Variants in BIN1 observed in about 807,000 individuals in gnomAD.
The protein encoded by BIN1 is myc box-dependent-interacting protein 1.
A neutral mutation model predicts 82.0 loss-of-function variants in BIN1; 53 were observed. That is an observed-to-expected ratio of 0.65 (90% confidence interval 0.52 to 0.81). The LOEUF (loss-of-function observed/expected upper bound fraction) is 0.81, where lower values mean the gene tolerates loss of function less well. Among genes scored for constraint, BIN1 ranks in the 40% least tolerant of loss-of-function variants. The pLI, the probability that BIN1 is intolerant of heterozygous loss-of-function variation, is 0.00. For missense variants in BIN1, 642 were observed against 784.4 expected (o/e 0.82, Z 2.17); for synonymous variants, 302 against 328.0 (o/e 0.92, Z 0.86).
In BIN1 at chr2:127,063,975, A is replaced by G; in HGVS notation, c.656T>C (p.Met219Thr). ...CAGCTCCTCCTGCAGATCCACATTC[A>G]TCTCCTCAAACACCTTCTGGGCTTT... ...LIKAQKVFEE[M>T]NVDLQEELPS... The change falls in exon 8 of 19, where the codon ATG (methionine) becomes ACG (threonine). Residue 219 changes from methionine (M) to threonine (T), a missense_variant. Met to Thr is a moderately conservative substitution (Grantham distance 81, BLOSUM62 -1). Transcript: ENST00000316724. 3 of 1,613,856 alleles carry G rather than the reference A, an allele frequency of 1.9e-6. No individual in the cohort carries two copies. The highest frequency in any genetic ancestry group is 2.5e-6 in the Non-Finnish European group (3 of 1,179,996).
intron 7 of BIN1, 80 bp from the exon 8 acceptor site, chr2:127,064,098 C>T (rs1347379604): frequency 1.3e-6 from 2 of 1,529,216 alleles, no homozygotes; most frequent in African/African-American, 1.4e-5. Flanking sequence ...CCACCTCCTG[C>T]CCACCCCTCT....
intron 18 of BIN1, 40 bp from the exon 19 acceptor site, chr2:127,048,673 G>A (rs779253941): frequency 9.4e-6 from 15 of 1,588,956 alleles, no homozygotes; most frequent in Non-Finnish European, 1.3e-5. Context: ...GATGAGCAAG[G>A]GGCTCCACCC....
At chr2:127,070,951 A>C in intron 2 of BIN1, 135 bp from the exon 3 acceptor site, 8 of 830,712 alleles carry the variant, frequency 9.6e-6, no homozygotes, top group South Asian at 1.6e-5. Flanking sequence ...TGACCTCCCA[A>C]CAGGACAGCA....
intron 5 of BIN1, among the ~76,000 whole-genome samples, chr2:127,069,420 G>A (rs1468400471): frequency 6.6e-6 from 1 of 152,138 alleles, no homozygotes; most frequent in African/African-American, 2.4e-5. Flanking sequence ...CCCACCAAGG[G>A]GATCTCGTCC....
chr2:127,048,846 G>A (rs1682510045), intron 18 of BIN1, among the ~76,000 whole-genome samples: 1 of 152,258 alleles, frequency 6.6e-6, no homozygotes, highest in Non-Finnish European at 1.5e-5. Flanking sequence ...GAGCCAGCCT[G>A]TCGTCCGCAG....
intron 1 of BIN1, among the ~76,000 whole-genome samples, chr2:127,079,833 C>G (rs1687069282): frequency 1.3e-5 from 2 of 152,202 alleles, no homozygotes; most frequent in Non-Finnish European, 2.9e-5. Context: ...TGACCCTAAA[C>G]AAAACAACCC....
chr2:127,051,032 G>T, intron 16 of BIN1, 120 bp from the exon 17 acceptor site: 1 of 1,503,830 alleles, frequency 6.6e-7, no homozygotes, highest in Non-Finnish European at 9.2e-7. Context: ...AGACCGGCCC[G>T]CCTCCAGCTT....
intron 15 of BIN1, 101 bp from the exon 16 acceptor site, chr2:127,051,344 G>A (rs1682924086): frequency 1.7e-6 from 2 of 1,206,876 alleles, no homozygotes; most frequent in African/African-American, 1.5e-5. Flanking sequence ...ACAGGGCCGG[G>A]GGCATCGCCT....
Position 127,107,005 on chromosome 2 carries a change from C to CGCTCCCA in BIN1, c.-69_-63dup, listed in dbSNP as rs1244535184. 2 of 1,520,750 alleles carry CGCTCCCA rather than the reference C, an allele frequency of 1.3e-6. No individual in the cohort carries two copies. The highest frequency in any genetic ancestry group is 1.9e-5 in the Admixed American group (1 of 51,456). The allele number at this position is 1,520,750 out of a possible 1,614,324, so 94.2% of individuals were successfully genotyped here. A position where few individuals can be genotyped will look rare whatever the true frequency, so the allele number is the denominator to read the frequency against. The stretch of plus-strand genomic sequence containing the variant: ...TCGCGCGGGGAGATCTTGCGCGCCG[C>CGCTCCCA]GCTCCCAGCCCCCAGCCCCGGCCGC... On this transcript the variant is annotated 5_prime_UTR_variant, in exon 1 of 19. Transcript: ENST00000316724. This position sits in a 1 kb window ranked among gnomAD's most constrained non-coding sequence, Gnocchi z 5.9.
At chr2:127,104,573 G>T (rs1680794021) in intron 1 of BIN1, among the ~76,000 whole-genome samples, 1 of 152,176 alleles carries the variant, frequency 6.6e-6, no homozygotes, top group Non-Finnish European at 1.5e-5. Flanking sequence ...TGTAGCCACA[G>T]GGAAACTGGA....
intron 10 of BIN1, among the ~76,000 whole-genome samples, chr2:127,061,305 T>C (rs935861996): frequency 6.6e-6 from 1 of 151,446 alleles, no homozygotes; most frequent in Non-Finnish European, 1.5e-5. Context: ...AACTATTTTA[T>C]GTTCAGGGAA....
intron 1 of BIN1, among the ~76,000 whole-genome samples, chr2:127,099,431 C>G (rs891805027): frequency 4.6e-5 from 7 of 152,106 alleles, no homozygotes; most frequent in Non-Finnish European, 1.5e-5. Flanking sequence ...TAAAAAACAA[C>G]TAGTATGACC....
intron 5 of BIN1, 47 bp downstream of exon 5, chr2:127,069,948 G>A (rs1373321152): frequency 6.3e-7 from 1 of 1,587,490 alleles, no homozygotes; most frequent in East Asian, 2.2e-5. Flanking sequence ...CCTCTCTCCA[G>A]TTCCCTCCAG....
intron 1 of BIN1, among the ~76,000 whole-genome samples, chr2:127,101,397 G>A (rs527548915): frequency 4.6e-5 from 7 of 152,252 alleles, no homozygotes; most frequent in South Asian, 4.1e-4. Context: ...CCACAGTCAC[G>A]TCCACATCTC....
chr2:127,052,446 GA>G, intron 14 of BIN1, 84 bp from the exon 15 acceptor site: 1 of 1,305,836 alleles, frequency 7.7e-7, no homozygotes, highest in Non-Finnish European at 1.1e-6. Flanking sequence ...CAAGACAAGA[GA>G]AAATGTCACC....
chr2:127,060,525 C>T (rs1381192569), intron 10 of BIN1: 8 of 1,603,684 alleles, frequency 5.0e-6, no homozygotes, highest in Non-Finnish European at 5.1e-6. Flanking sequence ...GGGAGCAGGG[C>T]GCAAGGCGCA....
chr2:127,060,597 T>C (rs1171569928), intron 10 of BIN1: 1 of 1,614,174 alleles, frequency 6.2e-7, no homozygotes, highest in South Asian at 1.1e-5. Context: ...TGCCGGTACC[T>C]GTTCTTCTTT....
In BIN1 at chr2:127,059,231, C is replaced by T. The variant is rs1020316874; in HGVS notation, c.858-76G>A. The T allele has an allele frequency of 7.7e-6, 11 of 1,437,838 alleles. No individual in the cohort carries two copies. In the African/African-American group the frequency reaches 8.7e-5, roughly 11 times the overall value. 89.1% of individuals were successfully genotyped at this position (1,437,838 alleles called of 1,614,324 possible). ...GGAGACGGAGGGGCAAATGTATTGA[C>T]GTCTGTGTGAAGAGGTGTGTGCATA... is the stretch of plus-strand genomic sequence containing the variant. On this transcript the variant is annotated intron_variant, in intron 10 of 18. Transcript: ENST00000316724. The surrounding 1 kb of genome is among the most constrained non-coding windows in gnomAD (Gnocchi z 6.7).
chr2:127,050,288 C>T (rs1447370161), intron 18 of BIN1, 133 bp downstream of exon 18: 4 of 857,638 alleles, frequency 4.7e-6, no homozygotes, highest in Non-Finnish European at 7.7e-6. Flanking sequence ...CGGGGAGGAG[C>T]AGTTGGCGCG....
Sources: allele counts gnomAD v4.1 joint callset (sites outside exome capture counted in the v4.1 genomes callset), GRCh38; gene constraint gnomAD v4.1.1; non-coding constraint Gnocchi (gnomAD v3.1); transcripts MANE v1.5; gene names NCBI Gene and HGNC (gene_info 2026-07-23, HGNC 2026-07-21).